KLC1: variants seen among roughly 807,000 people sequenced by gnomAD.
The protein encoded by KLC1 is kinesin light chain 1.
In KLC1, 30 loss-of-function variants were observed where a neutral mutation model predicts 84.2. That is an observed-to-expected ratio of 0.36 (90% CI 0.27 to 0.48). The LOEUF (loss-of-function observed/expected upper bound fraction) is 0.48, where lower values mean the gene tolerates loss of function less well. Among genes scored for constraint, KLC1 ranks in the 20% least tolerant of loss-of-function variants. The pLI, the probability that KLC1 is intolerant of heterozygous loss-of-function variation, is 0.99. For synonymous variants in KLC1, 289 were observed against 293.3 expected, an observed-to-expected ratio of 0.99 and a Z score of 0.15; for missense variants, 499 against 805.4, an observed-to-expected ratio of 0.62 and a Z score of 4.60.
At position 103,642,671 on chromosome 14, in the gene KLC1, T is replaced by C. The variant is rs772013881; in HGVS notation, c.-1-11893T>C. Among the ~76,000 whole-genome samples, 23 of 151,778 alleles carry C rather than the reference T, an allele frequency of 1.5e-4. 1 individual carries two copies. The highest frequency in any genetic ancestry group is 4.6e-4 in the Admixed American group (7 of 15,200). ...GCTAAAAAACAAAGGGATGGGAACA[T>C]GAAGAAGGGACACAGGAACCAACTG... On this transcript the variant is annotated intron_variant, in intron 1 of 16. Transcript: ENST00000334553.
chr14:103,631,908 T>C (rs1258604625), intron 1 of KLC1, among the ~76,000 whole-genome samples: 2 of 152,138 alleles, frequency 1.3e-5, no homozygotes, highest in Admixed American at 1.3e-4. Context: ...CTGAAACCAG[T>C]ATTTTATGTA....
At chr14:103,672,400 G>A (rs1005758609) in intron 7 of KLC1, among the ~76,000 whole-genome samples, 1 of 152,176 alleles carries the variant, frequency 6.6e-6, no homozygotes, top group African/African-American at 2.4e-5. Context: ...TGGTGAAGAA[G>A]AGAGACAAAG....
chr14:103,642,198 G>A (rs2151358413), intron 1 of KLC1, among the ~76,000 whole-genome samples: 1 of 152,218 alleles, frequency 6.6e-6, no homozygotes, highest in Non-Finnish European at 1.5e-5. Context: ...CCAGAGTGCT[G>A]GGATTACAGG....
chr14:103,652,302 A>G (rs1035779162), intron 1 of KLC1, among the ~76,000 whole-genome samples: 3 of 152,112 alleles, frequency 2.0e-5, no homozygotes, highest in African/African-American at 7.2e-5. Context: ...CTCATTTTAC[A>G]AATGTGTATT....
At chr14:103,669,919 T>G (rs2080233401) in intron 6 of KLC1, among the ~76,000 whole-genome samples, 2 of 152,236 alleles carry the variant, frequency 1.3e-5, no homozygotes. Context: ...GAATCTGTTT[T>G]GGTTGGCTTT....
At chr14:103,632,010 C>G (rs1041271688) in intron 1 of KLC1, among the ~76,000 whole-genome samples, 2 of 152,164 alleles carry the variant, frequency 1.3e-5, no homozygotes, top group African/African-American at 4.8e-5. Context: ...GTGACAAGCA[C>G]ATTAAGATTG....
At chr14:103,678,168 C>T (rs758892171) in intron 12 of KLC1, among the ~76,000 whole-genome samples, 1 of 152,130 alleles carries the variant, frequency 6.6e-6, no homozygotes, top group Non-Finnish European at 1.5e-5. Flanking sequence ...GAGGCTGAGG[C>T]AGGAGAGTCG....
chr14:103,661,019 C>T (rs746492959), intron 3 of KLC1, among the ~76,000 whole-genome samples: 5 of 152,100 alleles, frequency 3.3e-5, no homozygotes, highest in Non-Finnish European at 5.9e-5. Context: ...AGCTGGCTCT[C>T]CTTACCCTTT....
intron 15 of KLC1, chr14:103,699,662 T>C (rs2082951530): frequency 3.6e-6 from 5 of 1,378,994 alleles, no homozygotes; most frequent in East Asian, 2.3e-5. Flanking sequence ...CACTCGACCG[T>C]CTGAAAACCT....
chr14:103,662,960 C>T, intron 5 of KLC1, 33 bp downstream of exon 5: 1 of 1,445,516 alleles, frequency 6.9e-7, no homozygotes, highest in Non-Finnish European at 9.5e-7. Context: ...CTGAATTTTA[C>T]CTAGAGACAA....
intron 12 of KLC1, among the ~76,000 whole-genome samples, chr14:103,677,864 G>T (rs1460407060): frequency 6.6e-6 from 1 of 152,056 alleles, no homozygotes. Context: ...CTACTCGGGA[G>T]GCTGAGACAG....
Position 103,693,830 on chromosome 14 carries a change from C to T in KLC1, c.1848+1405C>T, listed in dbSNP as rs957853404. ...CGGCCTGCAGCCCCAGTGCCAGGAG[C>T]CACCCCGACCGCGACCCGGCCAGGC... On this transcript the variant is annotated intron_variant, in intron 15 of 16. Transcript: ENST00000334553. This position sits in a 1 kb window ranked among gnomAD's most constrained non-coding sequence, Gnocchi z 5.1. 17 of 1,386,628 alleles carry T rather than the reference C, an allele frequency of 1.2e-5. No homozygotes were observed. Among genetic ancestry groups the T allele is most frequent in the Non-Finnish European group, 1.6e-5 (17 of 1,073,534 alleles). 85.9% of individuals were successfully genotyped at this position (1,386,628 alleles called of 1,614,324 possible).
chr14:103,630,050 G>A (rs921499293), intron 1 of KLC1, among the ~76,000 whole-genome samples: 1 of 152,254 alleles, frequency 6.6e-6, no homozygotes, highest in Non-Finnish European at 1.5e-5. Context: ...GGCGGCGGGG[G>A]GCCGGGTCCC....
At position 103,673,307 on chromosome 14, in the gene KLC1, ATATTT is replaced by A. The variant is rs745572473; in HGVS notation, c.1162-7_1162-3del. 6.3e-5 allele frequency: 97 copies of A among 1,535,278 alleles called. No homozygotes were observed. The highest frequency in any genetic ancestry group is 1.5e-4 in the South Asian group (12 of 81,766). ...TTTATTTACATCTGAAAGATATGAA[ATATTT>A]TATTTTATTTTATTTTAAGGCATCC... is the stretch of plus-strand genomic sequence containing the variant. On this transcript the variant is annotated intron_variant, in intron 8 of 16. Coordinates refer to ENST00000334553, the MANE Select transcript of KLC1 (RefSeq NM_001394837.1).
chr14:103,675,371 G>C (rs551909336), intron 9 of KLC1, among the ~76,000 whole-genome samples, 181 bp from the exon 10 acceptor site: 1 of 152,250 alleles, frequency 6.6e-6, no homozygotes, highest in African/African-American at 2.4e-5. Context: ...AGTTTACTTA[G>C]CAGGCTCTGT....
chr14:103,649,849 T>C (rs11845332), intron 1 of KLC1, among the ~76,000 whole-genome samples: 142,931 of 152,064 alleles, frequency 0.94, 67,358 homozygotes, highest in East Asian at 0.98. Context: ...GCGCCCACCA[T>C]CGCGCCCGGC....
intron 7 of KLC1, among the ~76,000 whole-genome samples, chr14:103,671,975 G>T (rs1018264257): frequency 6.6e-6 from 1 of 152,148 alleles, no homozygotes; most frequent in African/African-American, 2.4e-5. Flanking sequence ...TTCATTTAGA[G>T]CCCCCTGCTT....
intron 1 of KLC1, among the ~76,000 whole-genome samples, chr14:103,634,800 C>G (rs548378559): frequency 4.8e-4 from 73 of 152,036 alleles, no homozygotes; most frequent in African/African-American, 1.7e-3. Flanking sequence ...AGGCTGGTCT[C>G]GAATTCCTGG....
chr14:103,663,967 AACAC>A (rs1369337636), intron 5 of KLC1, among the ~76,000 whole-genome samples: 5 of 152,184 alleles, frequency 3.3e-5, no homozygotes, highest in Non-Finnish European at 7.3e-5. Context: ...ATAAAATAAA[AACAC>A]ACAAATAAGA....
Sources: gnomAD v4.1 joint callset for allele counts (sites outside exome capture counted in the v4.1 genomes callset) on GRCh38, gnomAD v4.1.1 for gene constraint, Gnocchi (gnomAD v3.1) non-coding constraint, MANE v1.5 for transcripts, NCBI Gene and HGNC (gene_info 2026-07-23, HGNC 2026-07-21) for gene names.